Variants in CALN1 observed in about 807,000 individuals in gnomAD.
CALN1 encodes calcium-binding protein 8.
In CALN1, 17 loss-of-function variants were observed where a neutral mutation model predicts 30.6. The ratio of observed to expected loss-of-function variants is 0.56; its 90% CI spans 0.38 to 0.83. The LOEUF (loss-of-function observed/expected upper bound fraction) is 0.83, where lower values mean the gene tolerates loss of function less well. Among genes scored for constraint, CALN1 ranks in the 40% least tolerant of loss-of-function variants. CALN1 has a pLI of 0.00. For missense variants in CALN1, 291 were observed against 354.9 expected (o/e 0.82, Z 1.45); for synonymous variants, 156 against 131.4 (o/e 1.19, Z -1.28).
chr7:72,329,522 C>T (rs1801518132), intron 2 of CALN1, among the ~76,000 whole-genome samples: 1 of 152,232 alleles, frequency 6.6e-6, no homozygotes, highest in Non-Finnish European at 1.5e-5. Context: ...CCTTCCTTCT[C>T]CTCTAATGAA....
chr7:72,479,577 G>A, the CALN1 span, among the ~76,000 whole-genome samples: 1 of 138,958 alleles, frequency 7.2e-6, no homozygotes, highest in South Asian at 2.2e-4. Context: ...TTTTGAGATG[G>A]AGTCCCGCTC....
At chr7:72,047,494 C>A (rs547657433) in intron 4 of CALN1, among the ~76,000 whole-genome samples, 2 of 152,038 alleles carry the variant, frequency 1.3e-5, no homozygotes, top group African/African-American at 4.8e-5. Flanking sequence ...GAGGCTGAGG[C>A]AAGAGGATTG....
chr7:71,912,187 G>A (rs191884000), intron 5 of CALN1, among the ~76,000 whole-genome samples: 8 of 152,146 alleles, frequency 5.3e-5, no homozygotes, highest in Admixed American at 2.0e-4. Flanking sequence ...TTAAGTGGCC[G>A]GCCAAACAGA....
intron 5 of CALN1, among the ~76,000 whole-genome samples, chr7:72,020,560 G>A (rs1251467359): frequency 2.0e-5 from 3 of 152,286 alleles, no homozygotes; most frequent in South Asian, 2.1e-4. Flanking sequence ...CTTGCTAGTC[G>A]TAAAATTCTG....
At chr7:72,477,715 C>A in the CALN1 span, among the ~76,000 whole-genome samples, 473 of 152,214 alleles carry the variant, frequency 3.1e-3, 2 homozygotes, top group African/African-American at 0.011. Context: ...TGCCACCATG[C>A]CTGGATAATT....
At chr7:71,847,273 G>C (rs13240991) in intron 5 of CALN1, among the ~76,000 whole-genome samples, 14,593 of 152,076 alleles carry the variant, frequency 0.096, 930 homozygotes, top group Non-Finnish European at 0.14. Flanking sequence ...GAGGGACCTG[G>C]TGGGAGATAA....
intron 6 of CALN1, among the ~76,000 whole-genome samples, chr7:71,807,916 A>G (rs921257042): frequency 6.6e-6 from 1 of 152,140 alleles, no homozygotes; most frequent in Admixed American, 6.6e-5. Context: ...TCTACTAAAA[A>G]TATGAAAATT....
chr7:71,948,354 T>C (rs2129523721), intron 5 of CALN1, among the ~76,000 whole-genome samples: 1 of 152,240 alleles, frequency 6.6e-6, no homozygotes, highest in Non-Finnish European at 1.5e-5. Context: ...AATGCTCAGT[T>C]TCTCTATTAC....
At chr7:72,078,401 TTAAG>T (rs1184559814) in intron 4 of CALN1, among the ~76,000 whole-genome samples, 2 of 152,226 alleles carry the variant, frequency 1.3e-5, no homozygotes, top group East Asian at 1.9e-4. Flanking sequence ...GTTGGGAGTC[TTAAG>T]TAAGGCCTCA....
At chr7:71,965,371 A>T (rs1438193274) in intron 5 of CALN1, among the ~76,000 whole-genome samples, 1 of 152,158 alleles carries the variant, frequency 6.6e-6, no homozygotes, top group African/African-American at 2.4e-5. Flanking sequence ...TTAGATACTA[A>T]GATACTACTT....
chr7:72,063,581 A>G (rs184128600), intron 4 of CALN1, among the ~76,000 whole-genome samples: 1 of 152,342 alleles, frequency 6.6e-6, no homozygotes, highest in Admixed American at 6.5e-5. Context: ...ACTTGCCATG[A>G]GAGCCAACAA....
intron 2 of CALN1, among the ~76,000 whole-genome samples, chr7:72,370,014 G>A (rs1219031585): frequency 2.6e-5 from 4 of 151,842 alleles, no homozygotes; most frequent in Non-Finnish European, 5.9e-5. Flanking sequence ...TACAAAAAAT[G>A]TATGTGTGTT....
chr7:72,451,689 G>C (rs1371271187), upstream of CALN1, among the ~76,000 whole-genome samples: 7 of 152,156 alleles, frequency 4.6e-5, no homozygotes, highest in Non-Finnish European at 8.8e-5. Flanking sequence ...AAGATGATCT[G>C]CCCCATCCCC....
At chr7:72,314,376 C>CAT (rs796351058) in intron 2 of CALN1, among the ~76,000 whole-genome samples, 12 of 41,966 alleles carry the variant, frequency 2.9e-4, no homozygotes, top group South Asian at 2.2e-3. Context: ...CATATATACA[C>CAT]ATATATACAC....
At chr7:71,866,854 C>G (rs1235495520) in intron 5 of CALN1, among the ~76,000 whole-genome samples, 1 of 152,054 alleles carries the variant, frequency 6.6e-6, no homozygotes, top group Non-Finnish European at 1.5e-5. Flanking sequence ...ACTAGAAAAT[C>G]TAAGGGCAGG....
At chr7:72,111,745 TTTTC>T (rs894810419) in intron 3 of CALN1, among the ~76,000 whole-genome samples, 5 of 146,406 alleles carry the variant, frequency 3.4e-5, no homozygotes, top group African/African-American at 9.8e-5. Context: ...GGTAACTCTT[TTTTC>T]TTTCTTTTTT....
intron 3 of CALN1, among the ~76,000 whole-genome samples, chr7:72,147,168 A>G (rs1451399748): frequency 6.6e-6 from 1 of 152,210 alleles, no homozygotes; most frequent in Non-Finnish European, 1.5e-5. Flanking sequence ...AACTACCATC[A>G]GAGTGAACAG....
At chr7:72,254,526 A>G (rs1795782850) in intron 3 of CALN1, among the ~76,000 whole-genome samples, 1 of 152,172 alleles carries the variant, frequency 6.6e-6, no homozygotes, top group African/African-American at 2.4e-5. Flanking sequence ...GTCTCTATGA[A>G]GACAAATGTG....
intron 2 of CALN1, among the ~76,000 whole-genome samples, chr7:72,329,825 G>A (rs781045256): frequency 3.3e-5 from 5 of 152,094 alleles, no homozygotes; most frequent in South Asian, 2.1e-4. Context: ...GTGGTGCCAC[G>A]CACCTGTAAT....
Sources: allele counts gnomAD v4.1 joint callset (sites outside exome capture counted in the v4.1 genomes callset), GRCh38; gene constraint gnomAD v4.1.1; transcripts MANE v1.5; gene names NCBI Gene and HGNC (gene_info 2026-07-23, HGNC 2026-07-21).